FGF13: variants seen among roughly 807,000 people sequenced by gnomAD.
FGF13 encodes fibroblast growth factor homologous factor 2.
A neutral mutation model predicts 19.5 loss-of-function variants in FGF13; 2 were observed. The ratio of observed to expected loss-of-function variants is 0.10; its 90% CI spans 0.04 to 0.32. The LOEUF (loss-of-function observed/expected upper bound fraction) is 0.32. Among genes scored for constraint, FGF13 ranks in the 10% least tolerant of loss-of-function variants. FGF13 has a pLI of 1.00. For missense variants in FGF13, 113 were observed against 192.7 expected (o/e 0.59, Z 2.45); for synonymous variants, 72 against 76.9 (o/e 0.94, Z 0.33).
chrX:138,765,167 G>A (rs181651799), intron 3 of FGF13, among the ~76,000 whole-genome samples: 8 of 112,072 alleles, frequency 7.1e-5, no homozygotes, highest in African/African-American at 2.6e-4. Context: ...ATCATTCCAT[G>A]TAATGTTCAC....
intron 1 of FGF13, among the ~76,000 whole-genome samples, chrX:139,019,549 T>C (rs2092168442): frequency 9.0e-6 from 1 of 111,319 alleles, no homozygotes. Flanking sequence ...AGACTATAGA[T>C]ATGAAGGGCT....
intron 1 of FGF13, among the ~76,000 whole-genome samples, chrX:138,891,988 C>G (rs183613116): frequency 2.9e-5 from 2 of 68,249 alleles, no homozygotes; most frequent in Non-Finnish European, 4.9e-5. Flanking sequence ...CTGTCTCTCT[C>G]TCTATATATA....
intron 1 of FGF13, among the ~76,000 whole-genome samples, chrX:138,725,384 T>G (rs2090177285): frequency 9.0e-6 from 1 of 111,505 alleles, no homozygotes; most frequent in African/African-American, 3.3e-5. Context: ...CCTTCGTCAC[T>G]GCTAATAGAA....
chrX:138,863,716 T>C (rs752204376), intron 2 of FGF13, among the ~76,000 whole-genome samples: 3 of 111,866 alleles, frequency 2.7e-5, no homozygotes, highest in East Asian at 2.8e-4. Flanking sequence ...TGGCACCTAG[T>C]AGGCACAAAG....
chrX:138,892,002 A>ATGTGTGTGTGTGTGTGTGTGTG (rs3077315), intron 1 of FGF13, among the ~76,000 whole-genome samples: 9 of 90,380 alleles, frequency 1.0e-4, no homozygotes, highest in African/African-American at 3.4e-4. Flanking sequence ...ATATATACAT[A>ATGTGTGTGTGTGTGTGTGTGTG]TGTGTGTGTG....
chrX:138,994,939 T>G (rs1391967460), intron 1 of FGF13, among the ~76,000 whole-genome samples: 2 of 107,582 alleles, frequency 1.9e-5, no homozygotes, highest in African/African-American at 6.8e-5. Flanking sequence ...GCTCCACTGC[T>G]TGTCCCACCC....
chrX:139,009,417 C>T (rs1006006666), intron 1 of FGF13, among the ~76,000 whole-genome samples: 2 of 111,818 alleles, frequency 1.8e-5, no homozygotes, highest in African/African-American at 6.5e-5. Flanking sequence ...CATCAGCTAA[C>T]CTATGAAGAA....
At chrX:138,962,871 G>A (rs1159797775) in intron 1 of FGF13, among the ~76,000 whole-genome samples, 2 of 111,780 alleles carry the variant, frequency 1.8e-5, no homozygotes, top group Non-Finnish European at 3.8e-5. Context: ...GGGAGGGATA[G>A]CATTAGGAGA....
chrX:139,074,376 G>A (rs1050688097), intron 1 of FGF13, among the ~76,000 whole-genome samples: 1 of 112,040 alleles, frequency 8.9e-6, no homozygotes, highest in Non-Finnish European at 1.9e-5. Flanking sequence ...CAGATAATCT[G>A]AGAGGCAAAA....
chrX:138,665,460 C>T (rs938652344), intron 3 of FGF13, among the ~76,000 whole-genome samples: 17 of 111,394 alleles, frequency 1.5e-4, no homozygotes, highest in Admixed American at 1.3e-3. Flanking sequence ...TAAGCAGACA[C>T]AGGCAAAATA....
chrX:139,113,072 A>C (rs1376989002), intron 1 of FGF13, among the ~76,000 whole-genome samples: 1 of 106,198 alleles, frequency 9.4e-6, no homozygotes, highest in African/African-American at 3.4e-5. Context: ...TGGCTTTTTG[A>C]GTAGTGCCAA....
chrX:138,851,219 T>C (rs1224500594), intron 3 of FGF13, among the ~76,000 whole-genome samples: 2 of 112,176 alleles, frequency 1.8e-5, no homozygotes, highest in African/African-American at 6.5e-5. Flanking sequence ...TGTATTTTTA[T>C]AACAGAATGA....
At chrX:139,172,433 T>C (rs1050767109) in intron 1 of FGF13, among the ~76,000 whole-genome samples, 1 of 111,282 alleles carries the variant, frequency 9.0e-6, no homozygotes, top group African/African-American at 3.3e-5. Context: ...GGCTTACACT[T>C]TCCATTTCTT....
intron 3 of FGF13, among the ~76,000 whole-genome samples, chrX:138,802,424 C>G (rs193188657): frequency 1.6e-3 from 176 of 111,282 alleles, no homozygotes; most frequent in African/African-American, 5.5e-3. Context: ...GGGCTGTACC[C>G]TCTACCTAAC....
chrX:139,190,215 T>C (rs762017392), intron 1 of FGF13, among the ~76,000 whole-genome samples: 1 of 111,724 alleles, frequency 9.0e-6, no homozygotes, highest in Non-Finnish European at 1.9e-5. Context: ...TGGGGAAGAA[T>C]TGTCCTGTAT....
At chrX:138,778,829 C>T (rs916914360) in intron 3 of FGF13, among the ~76,000 whole-genome samples, 11 of 112,652 alleles carry the variant, frequency 9.8e-5, no homozygotes, top group Admixed American at 6.5e-4. Flanking sequence ...CTCAAGGAGG[C>T]CTGCCTGCCT....
intron 1 of FGF13, among the ~76,000 whole-genome samples, chrX:139,021,041 C>G (rs1429695204): frequency 9.0e-6 from 1 of 111,011 alleles, no homozygotes; most frequent in South Asian, 3.7e-4. Flanking sequence ...ATATATTTCA[C>G]TTCCTTTTTA....
At chrX:139,037,142 C>T (rs2092253208) in intron 1 of FGF13, among the ~76,000 whole-genome samples, 1 of 111,201 alleles carries the variant, frequency 9.0e-6, no homozygotes, top group Non-Finnish European at 1.9e-5. Flanking sequence ...TCTTCTGCTG[C>T]TTCTCTGCAG....
chrX:138,740,075 A>C (rs2090309046), upstream of FGF13, among the ~76,000 whole-genome samples: 1 of 112,026 alleles, frequency 8.9e-6, no homozygotes, highest in African/African-American at 3.2e-5. Context: ...CAAACCCTGA[A>C]ACAAAATTGC....
Sources: allele counts gnomAD v4.1 joint callset (sites outside exome capture counted in the v4.1 genomes callset), GRCh38; gene constraint gnomAD v4.1.1; transcripts MANE v1.5; gene names NCBI Gene and HGNC (gene_info 2026-07-23, HGNC 2026-07-21).